The following ANKH variants were observed in gnomAD, a reference collection of about 807,000 sequenced individuals.
ANKH encodes mineralization regulator ANKH.
In ANKH, 15 loss-of-function variants were observed where a neutral mutation model predicts 49.0. The observed-to-expected ratio is 0.31, with a 90% CI of 0.20 to 0.47. The LOEUF is 0.47. ANKH is among the 20% of genes least tolerant of loss of function. ANKH has a pLI of 1.00. For missense variants in ANKH, 429 were observed against 652.0 expected, an observed-to-expected ratio of 0.66 and a Z score of 3.72; for synonymous variants, 273 against 260.0, an observed-to-expected ratio of 1.05 and a Z score of -0.48.
chr5:14,770,212 T>A lies in ANKH; in HGVS notation c.97-1021A>T, dbSNP rs1187366461. On this transcript the variant is annotated intron_variant, in intron 1 of 11. Transcript: ENST00000284268. The surrounding 1 kb of genome is among the most constrained non-coding windows in gnomAD (Gnocchi z 4.1). ...GAGCAGAAAGTACAGAGCATTCCCA[T>A]ATATCCTTTGCCCCCCACAAACACG... 1.3e-5 allele frequency among the ~76,000 whole-genome samples: 2 copies of A among 152,156 alleles called. No individual in the cohort carries two copies. Among genetic ancestry groups the A allele is most frequent in the African/African-American group, 4.8e-5 (2 of 41,440 alleles).
At chr5:14,823,337 A>C (rs1465975353) in intron 1 of ANKH, among the ~76,000 whole-genome samples, 1 of 152,178 alleles carries the variant, frequency 6.6e-6, no homozygotes, top group South Asian at 2.1e-4. Flanking sequence ...CAGTGTCTCT[A>C]TCTCTCAGAA....
rs1561035050 is a variant in ANKH, at chr5:14,745,750, T to G, written c.915+120A>C. 1 of 879,784 alleles carries G rather than the reference T, an allele frequency of 1.1e-6. No homozygotes were observed. The highest frequency in any genetic ancestry group is 2.5e-5 in the East Asian group (1 of 39,674). 54.5% of individuals were successfully genotyped at this position (879,784 alleles called of 1,614,324 possible). ...TTCCTTCAATGCCCCCAACGTCACA[T>G]TAACCTTACAAAGGGAAGCAGGACT... On this transcript the variant is annotated intron_variant, in intron 7 of 11. Coordinates refer to ENST00000284268, the MANE Select transcript of ANKH (RefSeq NM_054027.6). The surrounding 1 kb of genome is among the most constrained non-coding windows in gnomAD (Gnocchi z 4.7).
chr5:14,722,347 C>G lies in ANKH; in HGVS notation c.1012-5512G>C, dbSNP rs574396346. Among the ~76,000 whole-genome samples, 8 of 152,294 alleles carry G rather than the reference C, an allele frequency of 5.3e-5. No homozygotes were observed. In the East Asian group the frequency reaches 1.5e-3, roughly 29 times the overall value. On this transcript the variant is annotated intron_variant, in intron 8 of 11. Coordinates refer to ENST00000284268, the MANE Select transcript of ANKH (RefSeq NM_054027.6). ...GTCGAGTTTGCTGTCAATATTCTGT[C>G]AGGACACAGCCTTCAAAATCGAATA...
chr5:14,752,904 A>C (rs1287127194), intron 4 of ANKH, among the ~76,000 whole-genome samples: 1 of 152,202 alleles, frequency 6.6e-6, no homozygotes, highest in African/African-American at 2.4e-5. Context: ...CCCTCCCAAG[A>C]AGTTTGGCTA....
intron 1 of ANKH, among the ~76,000 whole-genome samples, chr5:14,842,045 C>T (rs921277061): frequency 3.3e-5 from 5 of 151,972 alleles, no homozygotes. Context: ...GCAATTTGTA[C>T]CACAAAAAGA....
chr5:14,741,755 C>T (rs1052069788), intron 8 of ANKH, 72 bp downstream of exon 8: 1 of 1,143,336 alleles, frequency 8.7e-7, no homozygotes, highest in African/African-American at 1.5e-5. Flanking sequence ...AGATTTCCCC[C>T]TTTAAAATAG....
chr5:14,822,850 C>T (rs1234350498), intron 1 of ANKH, among the ~76,000 whole-genome samples: 4 of 152,024 alleles, frequency 2.6e-5, no homozygotes, highest in Admixed American at 1.3e-4. Context: ...ATCGAGACCA[C>T]GGTGAAACCC....
At chr5:14,769,395 A>G (rs1739354881) in intron 1 of ANKH, among the ~76,000 whole-genome samples, 1 of 152,216 alleles carries the variant, frequency 6.6e-6, no homozygotes, top group Non-Finnish European at 1.5e-5. Flanking sequence ...TTTGTGAAGG[A>G]GATACCTGAC....
chr5:14,736,364 G>T (rs189053598), intron 8 of ANKH, among the ~76,000 whole-genome samples: 2 of 152,158 alleles, frequency 1.3e-5, no homozygotes, highest in East Asian at 3.8e-4. Context: ...CTTGAAACAG[G>T]TCAGCTCGCC....
intron 4 of ANKH, among the ~76,000 whole-genome samples, chr5:14,753,187 G>A (rs1304453550): frequency 2.0e-5 from 3 of 152,148 alleles, no homozygotes; most frequent in Admixed American, 6.6e-5. Flanking sequence ...GGAAGGTGAC[G>A]AATTTGGTTG....
chr5:14,714,613 G>A (rs868472510), intron 9 of ANKH, among the ~76,000 whole-genome samples: 5 of 152,286 alleles, frequency 3.3e-5, no homozygotes, highest in African/African-American at 9.6e-5. Context: ...CCTCTGGGTG[G>A]AAGCCTTATA....
chr5:14,747,888 G>A (rs367613229), intron 6 of ANKH, among the ~76,000 whole-genome samples: 3 of 152,042 alleles, frequency 2.0e-5, no homozygotes, highest in South Asian at 2.1e-4. Flanking sequence ...CCTCTCCCAC[G>A]GCTCCCCTTC....
intron 5 of ANKH, among the ~76,000 whole-genome samples, chr5:14,749,605 A>G (rs1395235884): frequency 2.6e-5 from 4 of 152,252 alleles, no homozygotes; most frequent in South Asian, 2.1e-4. Context: ...TAACCAAGGT[A>G]GAACCCACAT....
intron 1 of ANKH, among the ~76,000 whole-genome samples, chr5:14,867,715 G>A (rs552045344): frequency 4.9e-4 from 75 of 152,130 alleles, no homozygotes; most frequent in Non-Finnish European, 8.2e-4. Context: ...ACCCGCCACC[G>A]CGCCTGGCTA....
chr5:14,791,862 G>A (rs1740178066), intron 1 of ANKH, among the ~76,000 whole-genome samples: 1 of 152,182 alleles, frequency 6.6e-6, no homozygotes, highest in Admixed American at 6.5e-5. Context: ...CAATTGCTTG[G>A]CTAAGAAGGA....
intron 1 of ANKH, among the ~76,000 whole-genome samples, chr5:14,814,291 G>A (rs1390762729): frequency 3.9e-5 from 6 of 152,284 alleles, no homozygotes; most frequent in South Asian, 2.1e-4. Flanking sequence ...AGCTTCTAGC[G>A]AATAGCAGGT....
At position 14,727,934 on chromosome 5, in the gene ANKH, G is replaced by T. The variant is rs1484032692; in HGVS notation, c.1012-11099C>A. The stretch of plus-strand genomic sequence containing the variant: ...AACAGCACACTCTGTTCATTTGCTC[G>T]TTGTTTAAATGACACATGTGCATCT... On this transcript the variant is annotated intron_variant, in intron 8 of 11. Transcript: ENST00000284268. 1.1e-4 allele frequency among the ~76,000 whole-genome samples: 16 copies of T among 152,162 alleles called. 1 individual carries two copies. The highest frequency in any genetic ancestry group is 1.0e-3 in the Admixed American group (16 of 15,284).
At chr5:14,846,990 A>T (rs1741979826) in intron 1 of ANKH, among the ~76,000 whole-genome samples, 1 of 140,370 alleles carries the variant, frequency 7.1e-6, no homozygotes, top group Non-Finnish European at 1.5e-5. Context: ...CCTGGGAAAC[A>T]GTGTAAGACT....
At chr5:14,756,087 G>T in intron 3 of ANKH, 143 bp from the exon 4 acceptor site, 1 of 752,646 alleles carries the variant, frequency 1.3e-6, no homozygotes. Context: ...ATCTTTGGTT[G>T]GTAAAATTAC....
Sources: allele counts gnomAD v4.1 joint callset (sites outside exome capture counted in the v4.1 genomes callset), GRCh38; gene constraint gnomAD v4.1.1; non-coding constraint Gnocchi (gnomAD v3.1); transcripts MANE v1.5; gene names NCBI Gene and HGNC (gene_info 2026-07-23, HGNC 2026-07-21).